IMMP2L: variants seen among roughly 807,000 people sequenced by gnomAD.
IMMP2L encodes inner mitochondrial membrane peptidase subunit 2, also known as mitochondrial inner membrane protease subunit 2.
IMMP2L carries 18 observed loss-of-function variants against 19.3 expected under a neutral mutation model. The observed-to-expected ratio is 0.93, with a 90% CI of 0.64 to 1.38. IMMP2L has a LOEUF of 1.38. Ranked by LOEUF, IMMP2L falls within the 40% of genes most tolerant of loss-of-function variation. IMMP2L has a pLI of 0.00. For missense variants in IMMP2L, 233 were observed against 218.2 expected (o/e 1.07, Z -0.43); for synonymous variants, 76 against 73.0 (o/e 1.04, Z -0.21).
intron 2 of IMMP2L, among the ~76,000 whole-genome samples, chr7:111,503,332 C>T (rs1406308251): frequency 6.6e-6 from 1 of 152,094 alleles, no homozygotes; most frequent in Non-Finnish European, 1.5e-5. Flanking sequence ...TAATCAATAG[C>T]TTACCAACCA....
At chr7:111,044,306 T>A (rs1411387407) in intron 3 of IMMP2L, among the ~76,000 whole-genome samples, 1 of 152,212 alleles carries the variant, frequency 6.6e-6, no homozygotes, top group Non-Finnish European at 1.5e-5. Context: ...ATGCCTGTAA[T>A]CCCAGAGCTT....
intron 3 of IMMP2L, among the ~76,000 whole-genome samples, chr7:111,327,167 T>C (rs767739585): frequency 6.6e-5 from 10 of 151,800 alleles, no homozygotes; most frequent in South Asian, 2.1e-4. Flanking sequence ...ATTCTACTTA[T>C]ATGAAGTATC....
intron 5 of IMMP2L, among the ~76,000 whole-genome samples, chr7:110,859,495 AT>A (rs1244131770): frequency 6.6e-6 from 1 of 151,728 alleles, no homozygotes; most frequent in Non-Finnish European, 1.5e-5. Flanking sequence ...GTAATCCCAG[AT>A]TTTTGGGAGG....
At chr7:110,982,256 T>A (rs1357296509) in intron 3 of IMMP2L, among the ~76,000 whole-genome samples, 1 of 152,164 alleles carries the variant, frequency 6.6e-6, no homozygotes, top group East Asian at 1.9e-4. Flanking sequence ...GCTGCGTCAT[T>A]CAGCCAAAGA....
chr7:111,470,117 T>C (rs1416342328), intron 3 of IMMP2L, among the ~76,000 whole-genome samples: 2 of 152,184 alleles, frequency 1.3e-5, no homozygotes, highest in Non-Finnish European at 2.9e-5. Context: ...AAAAGACACA[T>C]GAAAAAATGC....
chr7:111,015,767 CA>C (rs1646367429), intron 3 of IMMP2L, among the ~76,000 whole-genome samples: 1 of 151,726 alleles, frequency 6.6e-6, no homozygotes, highest in African/African-American at 2.4e-5. Flanking sequence ...CGGACAGTCC[CA>C]GAACTCTGTG....
At chr7:111,315,037 T>C (rs1584582512) in intron 3 of IMMP2L, among the ~76,000 whole-genome samples, 2 of 152,090 alleles carry the variant, frequency 1.3e-5, no homozygotes, top group Admixed American at 6.6e-5. Context: ...TACGTGCATA[T>C]CTCACCCAAA....
intron 4 of IMMP2L, among the ~76,000 whole-genome samples, chr7:110,960,705 T>C (rs1029647631): frequency 2.6e-5 from 4 of 151,948 alleles, no homozygotes; most frequent in African/African-American, 7.2e-5. Context: ...GTTTAGAATG[T>C]ACATTCTATA....
At chr7:110,773,275 C>T (rs1314348197) in intron 5 of IMMP2L, among the ~76,000 whole-genome samples, 1 of 152,066 alleles carries the variant, frequency 6.6e-6, no homozygotes, top group Non-Finnish European at 1.5e-5. Flanking sequence ...GTTCACAACC[C>T]GCCTGGGGCG....
chr7:111,440,826 G>A lies in IMMP2L; in HGVS notation c.239+46412C>T, dbSNP rs115592733. Among the ~76,000 whole-genome samples the A allele has an allele frequency of 3.5e-3, 537 of 151,992 alleles. 19 individuals are homozygous for A. Among genetic ancestry groups the A allele is most frequent in the African/African-American group, 0.013 (519 of 41,296 alleles). ...GTTTCGTCTAGCTTAAAAATCTGCT[G>A]TGTAGTGTAGGCGCCTTTGTCAATT... On this transcript the variant is annotated intron_variant, in intron 3 of 5. Transcript: ENST00000405709.
chr7:111,129,882 GA>G, intron 3 of IMMP2L, among the ~76,000 whole-genome samples: 1 of 152,160 alleles, frequency 6.6e-6, no homozygotes, highest in Middle Eastern at 3.4e-3. Flanking sequence ...CCAATTATAA[GA>G]AAAATTATTA....
intron 2 of IMMP2L, among the ~76,000 whole-genome samples, chr7:111,493,522 G>A (rs1008910599): frequency 2.0e-5 from 3 of 151,448 alleles, no homozygotes; most frequent in Non-Finnish European, 4.4e-5. Context: ...CTAACACGGT[G>A]AAACCCCGTC....
intron 3 of IMMP2L, among the ~76,000 whole-genome samples, chr7:111,065,702 G>A (rs868220323): frequency 5.7e-4 from 87 of 152,224 alleles, no homozygotes; most frequent in African/African-American, 1.7e-3. Flanking sequence ...TCCTGTTCTC[G>A]AACATCGGAC....
At chr7:111,539,230 GAAA>G in intron 1 of IMMP2L, among the ~76,000 whole-genome samples, 1 of 126,076 alleles carries the variant, frequency 7.9e-6, no homozygotes, top group Non-Finnish European at 1.7e-5. Flanking sequence ...AAGAAAGAAA[GAAA>G]GAAAGAAAGA....
At chr7:111,217,081 C>G (rs897983916) in intron 3 of IMMP2L, among the ~76,000 whole-genome samples, 2 of 148,664 alleles carry the variant, frequency 1.3e-5, no homozygotes, top group African/African-American at 2.5e-5. Context: ...CTTCTGATCT[C>G]TCTCTCTCTC....
At chr7:111,126,845 G>T (rs1209246600) in intron 3 of IMMP2L, among the ~76,000 whole-genome samples, 1 of 152,102 alleles carries the variant, frequency 6.6e-6, no homozygotes, top group Non-Finnish European at 1.5e-5. Flanking sequence ...TTGCTACTGT[G>T]TCTGCTCATA....
chr7:111,027,797 G>C (rs538924246), intron 3 of IMMP2L, among the ~76,000 whole-genome samples: 1 of 152,102 alleles, frequency 6.6e-6, no homozygotes, highest in Non-Finnish European at 1.5e-5. Flanking sequence ...TCTAAATGAA[G>C]AACAAAGAAA....
At chr7:111,235,598 G>A (rs908934031) in intron 3 of IMMP2L, among the ~76,000 whole-genome samples, 2 of 151,902 alleles carry the variant, frequency 1.3e-5, no homozygotes, top group Non-Finnish European at 2.9e-5. Context: ...CTCTGTACCT[G>A]ATACGTCTCT....
rs150354748 is a variant in IMMP2L at position 110,982,619 on chromosome 7, T to C, written c.240-19054A>G. Among the ~76,000 whole-genome samples, 593 of 152,166 alleles carry C rather than the reference T, an allele frequency of 3.9e-3. 5 individuals carry two copies. The highest frequency in any genetic ancestry group is 0.013 in the African/African-American group (546 of 41,526). On this transcript the variant is annotated intron_variant, in intron 3 of 5. Transcript: ENST00000405709. ...CTAACACAACGGGGTTCATGAACTA[T>C]CTAAAAAGACTCCACTGTGACTGTA...
Sources: gnomAD v4.1 joint callset for allele counts (sites outside exome capture counted in the v4.1 genomes callset) on GRCh38, gnomAD v4.1.1 for gene constraint, MANE v1.5 for transcripts, NCBI Gene and HGNC (gene_info 2026-07-23, HGNC 2026-07-21) for gene names.